The following CTBP2 variants were observed in gnomAD, a reference collection of about 807,000 sequenced individuals.
CTBP2 encodes the protein C-terminal binding protein 2, also known as C-terminal-binding protein 2.
In CTBP2, 30 loss-of-function variants were observed where a neutral mutation model predicts 80.3. The observed-to-expected ratio is 0.37, with a 90% confidence interval of 0.28 to 0.51. The LOEUF (loss-of-function observed/expected upper bound fraction) is 0.51. Among genes scored for constraint, CTBP2 ranks in the 20% least tolerant of loss-of-function variants. The pLI is 0.93. For synonymous variants in CTBP2, 594 were observed against 587.4 expected, an observed-to-expected ratio of 1.01 and a Z score of -0.16; for missense variants, 1,212 against 1,375.3, an observed-to-expected ratio of 0.88 and a Z score of 1.88.
chr10:125,059,965 G>T (rs1964647335), intron 2 of CTBP2, among the ~76,000 whole-genome samples: 1 of 152,152 alleles, frequency 6.6e-6, no homozygotes, highest in Non-Finnish European at 1.5e-5. Flanking sequence ...GGACCTCGCG[G>T]GTTAGCCACG....
chr10:125,031,286 G>A (rs1958160037), upstream of CTBP2, among the ~76,000 whole-genome samples: 1 of 151,856 alleles, frequency 6.6e-6, no homozygotes. Flanking sequence ...GTCAGGAGAT[G>A]GAGACCATCC....
Position 125,026,548 on chromosome 10 carries a change from G to A in CTBP2, c.1212C>T (p.Arg404=). The change falls in exon 1 of 9, where the codon CGC becomes CGT. Residue 404 remains arginine, a synonymous_variant. Transcript: ENST00000309035. The stretch of plus-strand genomic sequence containing the variant: ...GCTGAGATGGTGCGCTGGAGGGACG[G>A]CGAGCCGGGTCTCCAGCTCGGGGGG... 6.4e-7 allele frequency: 1 copy of A among 1,573,154 alleles called. No individual in the cohort carries two copies. The highest frequency in any genetic ancestry group is 8.6e-7 in the Non-Finnish European group (1 of 1,160,344).
intron 2 of CTBP2, chr10:125,088,384 C>A (rs1848307725): frequency 6.6e-6 from 1 of 152,050 alleles, no homozygotes; most frequent in African/African-American, 2.4e-5. Flanking sequence ...ATAACCATGA[C>A]CCCAAATCAA....
intron 2 of CTBP2, among the ~76,000 whole-genome samples, chr10:125,094,858 G>T (rs367764367): frequency 1.0e-3 from 141 of 138,322 alleles, no homozygotes; most frequent in African/African-American, 4.1e-3. Context: ...GCTGATTACC[G>T]GCAATTTTTT....
At chr10:125,088,148 G>C (rs17152617) in intron 2 of CTBP2, 1 of 152,058 alleles carries the variant, frequency 6.6e-6, no homozygotes, top group Non-Finnish European at 1.5e-5. Flanking sequence ...AGGGACAAAA[G>C]ATCACAGGAG....
chr10:125,108,047 T>A (rs1851717885), intron 2 of CTBP2, among the ~76,000 whole-genome samples: 1 of 152,126 alleles, frequency 6.6e-6, no homozygotes, highest in African/African-American at 2.4e-5. Flanking sequence ...CCAACTGAAG[T>A]GATGGAGAAC....
chr10:125,109,151 C>T (rs566959492), intron 2 of CTBP2, among the ~76,000 whole-genome samples: 5 of 152,352 alleles, frequency 3.3e-5, no homozygotes, highest in Admixed American at 1.3e-4. Context: ...CCATTTCATC[C>T]TTATACACCA....
intron 2 of CTBP2, chr10:125,088,258 TAAC>T (rs1848285393): frequency 6.6e-6 from 1 of 152,164 alleles, no homozygotes; most frequent in East Asian, 1.9e-4. Context: ...TCGGCAGGAG[TAAC>T]AACAGAACCA....
At chr10:125,036,486 A>G (rs1247360912) in intron 3 of CTBP2, among the ~76,000 whole-genome samples, 2 of 146,404 alleles carry the variant, frequency 1.4e-5, no homozygotes, top group African/African-American at 5.1e-5. Context: ...TGGCAGCTTC[A>G]TGCTTTTAAT....
intron 2 of CTBP2, among the ~76,000 whole-genome samples, chr10:125,068,118 ATTTC>A (rs1844925620): frequency 6.6e-6 from 1 of 152,134 alleles, no homozygotes; most frequent in East Asian, 1.9e-4. Context: ...ATGACAGCCA[ATTTC>A]ACCATGCGGC....
chr10:125,046,165 G>A (rs947436673), intron 2 of CTBP2, among the ~76,000 whole-genome samples: 2 of 152,100 alleles, frequency 1.3e-5, no homozygotes, highest in African/African-American at 4.8e-5. Flanking sequence ...TGACCCAACT[G>A]CATTAAGAAA....
rs1957541868 is a variant in CTBP2 at position 125,026,297 on chromosome 10, A to G, written c.1463T>C (p.Met488Thr). The change falls in exon 1 of 9, where the codon ATG (methionine) becomes ACG (threonine). Residue 488 changes from methionine (M) to threonine (T), a missense_variant. Physicochemically the swap from Met to Thr is moderately conservative, Grantham distance 81. Around this residue, in one of 3 missense-constraint regions of CTBP2, gnomAD observed 848 missense variants for 782.3 expected, o/e 1.08. Transcript: ENST00000309035. The stretch of plus-strand genomic sequence containing the variant: ...GTTGCGCTCCCTCTTTAGCAGCTCC[A>G]TGGGCACCGTGTATGCCGTGGAGTA... 6.2e-7 allele frequency: 1 copy of G among 1,613,902 alleles called. No individual in the cohort carries two copies.
At chr10:125,015,752 G>C (rs1003997224) in intron 1 of CTBP2, among the ~76,000 whole-genome samples, 1 of 152,260 alleles carries the variant, frequency 6.6e-6, no homozygotes, top group African/African-American at 2.4e-5. Context: ...GACAACAACA[G>C]AAGGGGATGT....
intron 1 of CTBP2, among the ~76,000 whole-genome samples, chr10:125,135,939 C>T (rs1222250255): frequency 6.6e-6 from 1 of 152,228 alleles, no homozygotes; most frequent in Non-Finnish European, 1.5e-5. Flanking sequence ...TTACCTGATT[C>T]TCCAGCCCAT....
At chr10:125,146,590 G>A (rs1858822961) in intron 1 of CTBP2, among the ~76,000 whole-genome samples, 1 of 152,098 alleles carries the variant, frequency 6.6e-6, no homozygotes, top group Non-Finnish European at 1.5e-5. Context: ...GCCTCCAAGT[G>A]AGATTTTTTA....
At chr10:124,992,339 C>T (rs899986446) in intron 8 of CTBP2, among the ~76,000 whole-genome samples, 1 of 151,158 alleles carries the variant, frequency 6.6e-6, no homozygotes, top group African/African-American at 2.4e-5. Flanking sequence ...GCTTCAAGCA[C>T]CTCTCCCACC....
chr10:124,993,565 C>A (rs1244977273), intron 6 of CTBP2, among the ~76,000 whole-genome samples: 1 of 152,186 alleles, frequency 6.6e-6, no homozygotes, highest in Non-Finnish European at 1.5e-5. Flanking sequence ...AAGGCTTGTC[C>A]TGCTGTAATC....
intron 2 of CTBP2, among the ~76,000 whole-genome samples, chr10:125,097,599 G>A (rs1171389885): frequency 2.6e-5 from 4 of 152,106 alleles, no homozygotes; most frequent in Non-Finnish European, 4.4e-5. Flanking sequence ...CATGCCTCAC[G>A]TGGGGTCCAT....
At chr10:125,017,729 G>A (rs951855620) in intron 1 of CTBP2, among the ~76,000 whole-genome samples, 15 of 152,186 alleles carry the variant, frequency 9.9e-5, no homozygotes, top group Admixed American at 1.3e-4. Context: ...CCCCGCAGTC[G>A]GAGCAGCTCA....
Sources: allele counts gnomAD v4.1 joint callset (sites outside exome capture counted in the v4.1 genomes callset), GRCh38; gene constraint gnomAD v4.1.1; regional missense constraint gnomAD v4.1.1; transcripts MANE v1.5; gene names NCBI Gene and HGNC (gene_info 2026-07-23, HGNC 2026-07-21).